The following PADI3 variants were observed in gnomAD, a reference collection of about 807,000 sequenced individuals.
PADI3 encodes the protein protein-arginine deiminase type-3.
PADI3 carries 53 observed loss-of-function variants against 71.5 expected under a neutral mutation model. The ratio of observed to expected loss-of-function variants is 0.74; its 90% CI spans 0.59 to 0.93. PADI3 has a LOEUF of 0.93. PADI3 is among the 40% of genes least tolerant of loss of function. PADI3 has a pLI of 0.00. For missense variants in PADI3, 821 were observed against 868.0 expected (o/e 0.95, Z 0.68); for synonymous variants, 361 against 347.5 (o/e 1.04, Z -0.43).
At chr1:17,267,267 T>C (rs1306356698) in intron 5 of PADI3, among the ~76,000 whole-genome samples, 1 of 152,186 alleles carries the variant, frequency 6.6e-6, no homozygotes, top group Non-Finnish European at 1.5e-5. Flanking sequence ...GGGCCTCCCC[T>C]CTCAACCCCA....
At chr1:17,273,483 T>C in intron 10 of PADI3, 36 bp downstream of exon 10, 1 of 1,434,664 alleles carries the variant, frequency 7.0e-7, no homozygotes, top group African/African-American at 1.4e-5. Flanking sequence ...CCCTGAGAGC[T>C]GAGAGGCCTT....
intron 10 of PADI3, among the ~76,000 whole-genome samples, chr1:17,274,091 C>T (rs1315469475): frequency 6.6e-6 from 1 of 152,238 alleles, no homozygotes; most frequent in Non-Finnish European, 1.5e-5. Context: ...CCGTAAAGAA[C>T]AAGAGACCCC....
chr1:17,255,078 T>C (rs2073011804), intron 1 of PADI3, among the ~76,000 whole-genome samples: 1 of 152,152 alleles, frequency 6.6e-6, no homozygotes, highest in African/African-American at 2.4e-5. Flanking sequence ...TGTCAGCAAA[T>C]ATCAGAATGG....
At chr1:17,256,528 T>C (rs554479261) in intron 1 of PADI3, among the ~76,000 whole-genome samples, 1 of 151,068 alleles carries the variant, frequency 6.6e-6, no homozygotes, top group South Asian at 2.2e-4. Flanking sequence ...GCAGGGGTGC[T>C]TCAGTCTTCA....
intron 1 of PADI3, among the ~76,000 whole-genome samples, chr1:17,258,636 C>T (rs1414653705): frequency 6.6e-6 from 1 of 152,250 alleles, no homozygotes; most frequent in Non-Finnish European, 1.5e-5. Flanking sequence ...TGTGATGCAA[C>T]CTCAGGCTTG....
intron 4 of PADI3, among the ~76,000 whole-genome samples, chr1:17,266,376 G>A (rs557398062): frequency 6.6e-5 from 10 of 152,298 alleles, no homozygotes; most frequent in African/African-American, 1.7e-4. Context: ...GAGGGAGGAC[G>A]TTCCAGGTGC....
At position 17,274,768 on chromosome 1, in the gene PADI3, T is replaced by C. The variant is rs140586422; in HGVS notation, c.1289T>C (p.Ile430Thr). The C allele has an allele frequency of 5.7e-4, 914 of 1,613,450 alleles. No homozygotes were observed. The highest frequency in any genetic ancestry group is 7.3e-4 in the Non-Finnish European group (860 of 1,179,660). Reference protein sequence around the residue: ...GKEYPLGRILIGGNLPGSSGR... With the variant: ...GKEYPLGRILTGGNLPGSSGR... ...GAGTACCCCCTGGGGAGGATCCTCA[T>C]TGGGGGCAACCTGCCTGGGTGAGAG... Residue 430 changes from isoleucine (I) to threonine (T), a missense_variant, in exon 11 of 16, where the codon ATT (isoleucine) becomes ACT (threonine). Ile to Thr is a moderately conservative substitution (Grantham distance 89, BLOSUM62 -1). Coordinates refer to ENST00000375460, the MANE Select transcript of PADI3 (RefSeq NM_016233.2).
In PADI3 at chr1:17,265,588, G is replaced by A. The variant is rs1354460292; in HGVS notation, c.347-71G>A. 2.2e-6 allele frequency: 3 copies of A among 1,353,734 alleles called. No individual in the cohort carries two copies. The South Asian group carries it at 3.5e-5, about 16-fold the overall frequency. 83.9% of individuals were successfully genotyped at this position (1,353,734 alleles called of 1,614,324 possible). A position where few individuals can be genotyped will look rare whatever the true frequency, so the allele number is the denominator to read the frequency against. On this transcript the variant is annotated intron_variant, in intron 3 of 15. Transcript: ENST00000375460. ...CTTGCCTTTGCTCAGCCCCAGACAA[G>A]CCCTGAGATCAAGGCCTGCCCTGGG... is the stretch of plus-strand genomic sequence containing the variant.
At chr1:17,259,934 A>AT (rs1226490059) in intron 2 of PADI3, among the ~76,000 whole-genome samples, 176 bp downstream of exon 2, 1 of 152,196 alleles carries the variant, frequency 6.6e-6, no homozygotes, top group African/African-American at 2.4e-5. Flanking sequence ...GACACATACC[A>AT]TGTGTCCTTG....
In PADI3 at chr1:17,283,078, G is replaced by A. The variant is rs149978330; in HGVS notation, c.1994G>A (p.Ter665=). 1.1e-5 allele frequency: 18 copies of A among 1,612,450 alleles called. No homozygotes were observed. In the African/African-American group the frequency reaches 2.1e-4, roughly 19 times the overall value. Residue 665 remains the stop codon, a stop_retained_variant, in exon 16 of 16, where the codon TGA becomes TAA. Transcript: ENST00000375460. ...TTCAAGTGGTGGAACATGGTGCCCT[G>A]AGACAGCTCCCACCCACCATCCTGT... ...FSFKWWNMVP[*] is the part of the protein sequence containing the mutation.
At chr1:17,278,608 A>G (rs2073363736) in intron 13 of PADI3, among the ~76,000 whole-genome samples, 1 of 152,034 alleles carries the variant, frequency 6.6e-6, no homozygotes, top group African/African-American at 2.4e-5. Context: ...GACTGGAGTC[A>G]TCTGGCAAGC....
At chr1:17,266,162 A>G (rs1178249412) in intron 4 of PADI3, among the ~76,000 whole-genome samples, 1 of 152,250 alleles carries the variant, frequency 6.6e-6, no homozygotes, top group African/African-American at 2.4e-5. Flanking sequence ...GCAGTAGGCC[A>G]GATTTGGCCC....
Position 17,282,844 on chromosome 1 carries a change from A to C in PADI3, c.1762-2A>C. 6.2e-7 allele frequency: 1 copy of C among 1,606,340 alleles called. No individual in the cohort carries two copies. Among genetic ancestry groups the C allele is most frequent in the South Asian group, 1.1e-5 (1 of 90,224 alleles). On this transcript the variant is annotated splice_acceptor_variant, in intron 15 of 15. Coordinates refer to ENST00000375460, the MANE Select transcript of PADI3 (RefSeq NM_016233.2). LOFTEE classifies it high-confidence loss of function. ...AAGTGCTGCTTCCCCTTTGGACTGC[A>C]GGTGAACATGCTGGTGCTGGGGAAG...
rs866756552 is a variant in PADI3, at chr1:17,262,554, G to A, written c.346+349G>A. On this transcript the variant is annotated intron_variant, in intron 3 of 15. Coordinates refer to ENST00000375460, the MANE Select transcript of PADI3 (RefSeq NM_016233.2). ...ATCAGACAGGGCATGCAAAGTAATA[G>A]TGATTAATATGTTAAGGGTTCTAGT... is the stretch of plus-strand genomic sequence containing the variant. Among the ~76,000 whole-genome samples the A allele has an allele frequency of 1.5e-4, 23 of 152,276 alleles. 1 individual carries two copies. Among genetic ancestry groups the A allele is most frequent in the African/African-American group, 4.3e-4 (18 of 41,546 alleles).
intron 1 of PADI3, among the ~76,000 whole-genome samples, chr1:17,259,048 T>C (rs1344477399): frequency 6.6e-6 from 1 of 152,198 alleles, no homozygotes. Context: ...CACAGGGGCT[T>C]AGAACATCAG....
intron 1 of PADI3, among the ~76,000 whole-genome samples, chr1:17,256,063 C>G (rs915638922): frequency 3.9e-5 from 6 of 152,160 alleles, no homozygotes; most frequent in African/African-American, 1.4e-4. Context: ...TAAGGTTCCA[C>G]GGTGAAAACA....
Position 17,270,261 on chromosome 1 carries a change from G to T in PADI3, c.681G>T (p.Arg227Ser). Residue 227 changes from arginine to serine, a missense_variant, in exon 7 of 16, where the codon AGG becomes AGT. Arg to Ser is a moderately radical substitution (Grantham distance 110, BLOSUM62 -1). Transcript: ENST00000375460. ...CTGAGGATGTGTGTGAGGCCTATAG[G>T]CATGTGCTGGGCCAAGATAAGGTGT... Reference protein sequence around the residue: ...CGPEDVCEAYRHVLGQDKVSY... With the variant: ...CGPEDVCEAYSHVLGQDKVSY... 1 of 1,613,672 alleles carries T rather than the reference G, an allele frequency of 6.2e-7. No individual in the cohort carries two copies. The highest frequency in any genetic ancestry group is 8.5e-7 in the Non-Finnish European group (1 of 1,179,748).
At position 17,270,381 on chromosome 1, in the gene PADI3, C is replaced by T. The variant is rs1184050175; in HGVS notation, c.801C>T (p.Phe267=). ...CCGGCTTCACAGGACTCATCTCCTT[C>T]CATGTCACTCTGCTGGACGACTCCA... The part of the protein sequence containing the change: ...PDAGFTGLIS[F]HVTLLDDSNE... The change falls in exon 7 of 16, where the codon TTC becomes TTT. Residue 267 remains phenylalanine (F), a synonymous_variant. Transcript: ENST00000375460. The T allele has an allele frequency of 1.1e-5, 17 of 1,613,696 alleles. No homozygotes were observed. Among genetic ancestry groups the T allele is most frequent in the Non-Finnish European group, 1.4e-5 (16 of 1,179,918 alleles).
chr1:17,267,726 G>T (rs1296641189), intron 5 of PADI3, 111 bp from the exon 6 acceptor site: 1 of 1,288,414 alleles, frequency 7.8e-7, no homozygotes, highest in Non-Finnish European at 1.1e-6. Flanking sequence ...AGCTAGGGCT[G>T]GGAGACCCAG....
Sources: allele counts gnomAD v4.1 joint callset (sites outside exome capture counted in the v4.1 genomes callset), GRCh38; gene constraint gnomAD v4.1.1; transcripts MANE v1.5; gene names NCBI Gene and HGNC (gene_info 2026-07-23, HGNC 2026-07-21).